SYN3: variants seen among roughly 807,000 people sequenced by gnomAD.
SYN3 encodes synapsin-3.
Under a neutral mutation model 65.8 loss-of-function variants are expected in SYN3, and 35 were observed. The ratio of observed to expected loss-of-function variants is 0.53; its 90% CI spans 0.41 to 0.70. The LOEUF (loss-of-function observed/expected upper bound fraction) is 0.70. SYN3 is among the 30% of genes least tolerant of loss of function. The pLI is 0.00. For missense variants in SYN3, 680 were observed against 749.0 expected, an observed-to-expected ratio of 0.91 and a Z score of 1.08; for synonymous variants, 270 against 292.9, an observed-to-expected ratio of 0.92 and a Z score of 0.80.
At chr22:33,027,892 G>A (rs2053666469) in intron 1 of SYN3, among the ~76,000 whole-genome samples, 1 of 152,194 alleles carries the variant, frequency 6.6e-6, no homozygotes, top group South Asian at 2.1e-4. Flanking sequence ...AGAGAGGTGA[G>A]TTTTATTGAA....
At chr22:32,836,555 G>A (rs935434039) in intron 6 of SYN3, among the ~76,000 whole-genome samples, 5 of 152,110 alleles carry the variant, frequency 3.3e-5, no homozygotes, top group Middle Eastern at 3.2e-3. Flanking sequence ...TCATTCCTCC[G>A]CACCTTCAGT....
intron 6 of SYN3, among the ~76,000 whole-genome samples, chr22:32,833,424 TTA>T (rs2047636526): frequency 6.6e-6 from 1 of 152,090 alleles, no homozygotes; most frequent in Non-Finnish European, 1.5e-5. Flanking sequence ...GAGAATTTTT[TTA>T]TAGTCAAAAA....
At chr22:32,576,314 T>C (rs568000388) in intron 7 of SYN3, among the ~76,000 whole-genome samples, 1 of 152,188 alleles carries the variant, frequency 6.6e-6, no homozygotes, top group Non-Finnish European at 1.5e-5. Flanking sequence ...CACACCATAA[T>C]GGATGTAATT....
chr22:32,513,901 T>C (rs950018402), intron 13 of SYN3, 77 bp from the exon 14 acceptor site: 10 of 1,573,212 alleles, frequency 6.4e-6, no homozygotes, highest in South Asian at 1.2e-5. Context: ...GGCTTGCCTG[T>C]AAGCCAGATG....
At chr22:32,796,233 C>A (rs1235458606) in intron 6 of SYN3, among the ~76,000 whole-genome samples, 1 of 152,152 alleles carries the variant, frequency 6.6e-6, no homozygotes, top group East Asian at 1.9e-4. Context: ...CATACATGCA[C>A]ATGAAAACAA....
At chr22:32,779,930 T>C (rs2045993263) in intron 6 of SYN3, among the ~76,000 whole-genome samples, 1 of 151,904 alleles carries the variant, frequency 6.6e-6, no homozygotes, top group Non-Finnish European at 1.5e-5. Flanking sequence ...CTCCCTTTTA[T>C]GGTGAGGCGG....
At chr22:33,036,082 C>T (rs1443451645) in intron 1 of SYN3, among the ~76,000 whole-genome samples, 1 of 152,164 alleles carries the variant, frequency 6.6e-6, no homozygotes, top group East Asian at 1.9e-4. Context: ...TAAGGAAAGT[C>T]TCACAAGAGT....
chr22:32,832,495 C>A (rs2047603122), intron 6 of SYN3, among the ~76,000 whole-genome samples: 3 of 150,660 alleles, frequency 2.0e-5, no homozygotes, highest in Admixed American at 2.0e-4. Context: ...AATTCCTGGC[C>A]CAGGGCTCTT....
intron 1 of SYN3, among the ~76,000 whole-genome samples, chr22:33,032,570 C>G (rs774021537): frequency 1.1e-4 from 17 of 151,720 alleles, no homozygotes; most frequent in Non-Finnish European, 2.1e-4. Context: ...CAATAAGGTA[C>G]CAAATTATAA....
At chr22:32,655,212 A>G (rs2413141) in intron 6 of SYN3, among the ~76,000 whole-genome samples, 42,733 of 152,164 alleles carry the variant, frequency 0.28, 8,301 homozygotes, top group East Asian at 0.71. Context: ...CTTCTGCTGC[A>G]TGGTGACAGA....
intron 1 of SYN3, among the ~76,000 whole-genome samples, chr22:33,015,988 G>A (rs7290452): frequency 6.4e-4 from 97 of 151,824 alleles, no homozygotes; most frequent in African/African-American, 1.9e-3. Context: ...GATTACAGGC[G>A]CCCGCCACCA....
chr22:32,746,283 C>T (rs2145625404), intron 6 of SYN3, among the ~76,000 whole-genome samples: 1 of 152,318 alleles, frequency 6.6e-6, no homozygotes, highest in South Asian at 2.1e-4. Context: ...AGCTGGTGCC[C>T]TTTCCCAGAC....
chr22:32,699,543 T>A (rs1283563953), intron 6 of SYN3, among the ~76,000 whole-genome samples: 1 of 151,614 alleles, frequency 6.6e-6, no homozygotes, highest in East Asian at 1.9e-4. Flanking sequence ...GGGATGGGGG[T>A]AGGTGCTGAG....
intron 4 of SYN3, among the ~76,000 whole-genome samples, chr22:32,883,807 T>C (rs2049212006): frequency 6.6e-6 from 1 of 152,238 alleles, no homozygotes; most frequent in Non-Finnish European, 1.5e-5. Context: ...TCCTATGGCG[T>C]AGCTAAGTTT....
chr22:32,883,467 A>G (rs974389414), intron 4 of SYN3, among the ~76,000 whole-genome samples: 1 of 152,092 alleles, frequency 6.6e-6, no homozygotes, highest in South Asian at 2.1e-4. Context: ...TGTCAGATCA[A>G]CCCTCCTCAT....
intron 7 of SYN3, among the ~76,000 whole-genome samples, chr22:32,569,324 CTAT>C: frequency 6.8e-6 from 1 of 147,666 alleles, no homozygotes; most frequent in African/African-American, 2.5e-5. Context: ...TAAAATCTAT[CTAT>C]CTATCTCTAT....
intron 3 of SYN3, among the ~76,000 whole-genome samples, chr22:32,962,323 A>G (rs755949790): frequency 4.0e-5 from 6 of 151,668 alleles, no homozygotes; most frequent in Non-Finnish European, 7.4e-5. Flanking sequence ...TTTAATAGAG[A>G]CGGGGTTTCA....
intron 6 of SYN3, among the ~76,000 whole-genome samples, chr22:32,780,631 G>C (rs899124771): frequency 6.6e-6 from 1 of 152,044 alleles, no homozygotes; most frequent in African/African-American, 2.4e-5. Context: ...TGCTGTTTTC[G>C]TCACTGGCTC....
chr22:32,912,826 T>A (rs1403123960), intron 4 of SYN3, among the ~76,000 whole-genome samples: 4 of 152,152 alleles, frequency 2.6e-5, no homozygotes. Flanking sequence ...AGATCAGTGG[T>A]TGCCAAGGTT....
Sources: allele counts gnomAD v4.1 joint callset (sites outside exome capture counted in the v4.1 genomes callset), GRCh38; gene constraint gnomAD v4.1.1; transcripts MANE v1.5; gene names NCBI Gene and HGNC (gene_info 2026-07-23, HGNC 2026-07-21).